ABCC4: variants seen among roughly 807,000 people sequenced by gnomAD.
ABCC4 encodes the protein ATP-binding cassette sub-family C member 4.
ABCC4 carries 102 observed loss-of-function variants against 168.5 expected under a neutral mutation model. The observed-to-expected ratio is 0.61, with a 90% CI of 0.52 to 0.71. ABCC4 has a LOEUF of 0.71. Among genes scored for constraint, ABCC4 ranks in the 30% least tolerant of loss-of-function variants. The pLI is 0.00. For missense variants in ABCC4, 1,402 were observed against 1,605.8 expected, an observed-to-expected ratio of 0.87 and a Z score of 2.17; for synonymous variants, 617 against 590.7, an observed-to-expected ratio of 1.04 and a Z score of -0.65.
At chr13:95,034,499 T>C (rs2032033509) in intron 30 of ABCC4, 106 bp downstream of exon 30, 30 of 1,421,902 alleles carry the variant, frequency 2.1e-5, no homozygotes, top group African/African-American at 7.2e-5. Flanking sequence ...TGCAGGCTTA[T>C]AATTGAAAAG....
At chr13:95,066,788 C>A (rs1471148776) in intron 25 of ABCC4, among the ~76,000 whole-genome samples, 1 of 152,214 alleles carries the variant, frequency 6.6e-6, no homozygotes, top group African/African-American at 2.4e-5. Context: ...ACTTGGATAG[C>A]CTGGCTCTGT....
intron 19 of ABCC4, among the ~76,000 whole-genome samples, chr13:95,155,305 C>T (rs2036819485): frequency 1.3e-5 from 2 of 151,978 alleles, no homozygotes; most frequent in Admixed American, 6.6e-5. Context: ...CCTCCTGACT[C>T]AGCCTCCCGA....
Position 95,071,832 on chromosome 13 carries a change from T to C in ABCC4, c.3040A>G (p.Ile1014Val). ...ENMMISVERV[I>V]EYTDLEKEAP... ...TCTTTTTCAAGGTCTGTGTATTCAA[T>C]GACCCTTTCTACTGAGATCATCTGA... Residue 1014 changes from isoleucine to valine, a missense_variant, in exon 25 of 31, where the codon ATT (isoleucine) becomes GTT (valine). Coordinates refer to ENST00000645237, the MANE Select transcript of ABCC4 (RefSeq NM_005845.5). 1 of 1,582,992 alleles carries C rather than the reference T, an allele frequency of 6.3e-7. No individual in the cohort carries two copies. The highest frequency in any genetic ancestry group is 1.4e-5 in the African/African-American group (1 of 73,598).
rs139768995 is a variant in ABCC4 at position 95,089,809 on chromosome 13, T to C, written c.2536-6519A>G. On this transcript the variant is annotated intron_variant, in intron 20 of 30. Transcript: ENST00000645237. Reference sequence around the variant, plus strand: ...AACACCAGGGCTTGAACCCAGGAGATGAAAGTTGCAGTGAGCCGAAATCAT... The same window carrying C: ...AACACCAGGGCTTGAACCCAGGAGACGAAAGTTGCAGTGAGCCGAAATCAT... 8.8e-3 allele frequency among the ~76,000 whole-genome samples: 1,331 copies of C among 150,640 alleles called. 20 individuals are homozygous for C. The highest frequency in any genetic ancestry group is 0.031 in the African/African-American group (1,267 of 40,948).
chr13:95,075,834 C>G (rs1248261796), intron 21 of ABCC4: 2 of 307,418 alleles, frequency 6.5e-6, no homozygotes, highest in African/African-American at 4.2e-5. Flanking sequence ...CTAACTCAGC[C>G]TTCCAGGTCT....
intron 26 of ABCC4, among the ~76,000 whole-genome samples, chr13:95,061,669 TA>T (rs11339914): frequency 0.21 from 26,700 of 126,536 alleles, 2,882 homozygotes; most frequent in Middle Eastern, 0.27. Flanking sequence ...TATAGAGTGT[TA>T]AAAAAAAAAA....
In ABCC4 at chr13:95,301,227, GC is replaced by G; in HGVS notation, c.74+13del. On this transcript the variant is annotated intron_variant, in intron 1 of 30. Coordinates refer to ENST00000645237, the MANE Select transcript of ABCC4 (RefSeq NM_005845.5). ...GCGGCTGCAGGGTGACCTGTTTCGG[GC>G]GGGGACACTCACCAGAAGAACACGC... 6.3e-7 allele frequency: 1 copy of G among 1,580,650 alleles called. No individual in the cohort carries two copies. The highest frequency in any genetic ancestry group is 1.8e-5 in the Admixed American group (1 of 56,714).
intron 20 of ABCC4, among the ~76,000 whole-genome samples, chr13:95,086,087 T>TTGTGTG (rs55973195): frequency 0.071 from 10,141 of 142,034 alleles, 548 homozygotes; most frequent in African/African-American, 0.15. Context: ...TTTAAGGTTA[T>TTGTGTG]TGTGTGTGTG....
At chr13:95,222,916 A>G (rs887379028) in intron 4 of ABCC4, among the ~76,000 whole-genome samples, 3 of 152,130 alleles carry the variant, frequency 2.0e-5, no homozygotes, top group Non-Finnish European at 4.4e-5. Flanking sequence ...AACATCTTAC[A>G]ATGCACGGAG....
At chr13:95,194,790 AC>A in intron 9 of ABCC4, 45 bp downstream of exon 9, 1 of 1,470,990 alleles carries the variant, frequency 6.8e-7, no homozygotes, top group Non-Finnish European at 9.5e-7. Flanking sequence ...AATCAATGTC[AC>A]TCATTATCTT....
chr13:95,222,118 C>T (rs2039325866), intron 4 of ABCC4, among the ~76,000 whole-genome samples: 1 of 152,204 alleles, frequency 6.6e-6, no homozygotes, highest in South Asian at 2.1e-4. Flanking sequence ...CCCTCACCCT[C>T]CATCTATTCA....
chr13:95,203,827 C>T (rs115562741), intron 8 of ABCC4, among the ~76,000 whole-genome samples: 8 of 152,118 alleles, frequency 5.3e-5, no homozygotes, highest in Admixed American at 6.5e-5. Flanking sequence ...CCTCACACCC[C>T]CCTTGAACAA....
At position 95,179,707 on chromosome 13, in the gene ABCC4, C is replaced by A. The variant is rs114694465; in HGVS notation, c.1546-1616G>T. 3.6e-3 allele frequency among the ~76,000 whole-genome samples: 545 copies of A among 152,238 alleles called. 3 individuals are homozygous for A. The highest frequency in any genetic ancestry group is 0.013 in the African/African-American group (532 of 41,540). ...ATTGACTGAGCTGCATAAGCATCAACCTAGGACACTACAGAGATAGCCCTC... is the reference window on the plus strand; with the variant it reads ...ATTGACTGAGCTGCATAAGCATCAAACTAGGACACTACAGAGATAGCCCTC... On this transcript the variant is annotated intron_variant, in intron 11 of 30. Transcript: ENST00000645237.
chr13:95,131,242 A>G (rs374737089), intron 19 of ABCC4, among the ~76,000 whole-genome samples: 2 of 152,332 alleles, frequency 1.3e-5, no homozygotes, highest in Admixed American at 1.3e-4. Context: ...GTAGGATTAA[A>G]AAAAGGGGAA....
chr13:95,171,998 G>A (rs774913208), intron 13 of ABCC4, among the ~76,000 whole-genome samples: 14 of 152,222 alleles, frequency 9.2e-5, no homozygotes, highest in Non-Finnish European at 5.9e-5. Context: ...TATCTAAAGG[G>A]AGATGTTAAT....
intron 1 of ABCC4, among the ~76,000 whole-genome samples, chr13:95,249,914 A>G (rs1453320680): frequency 6.6e-6 from 1 of 152,206 alleles, no homozygotes; most frequent in Non-Finnish European, 1.5e-5. Flanking sequence ...GAGGGATGCC[A>G]CTGTTGAGTT....
At chr13:95,197,688 G>T (rs1387483604) in intron 8 of ABCC4, among the ~76,000 whole-genome samples, 1 of 152,218 alleles carries the variant, frequency 6.6e-6, no homozygotes. Flanking sequence ...ATTGACTTCA[G>T]AGTGGACGGT....
At chr13:95,025,257 ACACACC>A (rs1566351140) in intron 30 of ABCC4, among the ~76,000 whole-genome samples, 1,378 of 31,578 alleles carry the variant, frequency 0.044, 111 homozygotes, top group African/African-American at 0.17. Context: ...CCACACACAC[ACACACC>A]CCCACACCCC....
chr13:95,171,834 T>C (rs1161824615), intron 13 of ABCC4, among the ~76,000 whole-genome samples: 1 of 152,202 alleles, frequency 6.6e-6, no homozygotes, highest in Non-Finnish European at 1.5e-5. Context: ...CTTTCACATA[T>C]CTTAGTTTGG....
Sources: gnomAD v4.1 joint callset for allele counts (sites outside exome capture counted in the v4.1 genomes callset) on GRCh38, gnomAD v4.1.1 for gene constraint, MANE v1.5 for transcripts, NCBI Gene and HGNC (gene_info 2026-07-23, HGNC 2026-07-21) for gene names.